Variants in ASTN1 observed in about 807,000 individuals in gnomAD.
ASTN1 encodes the protein astrotactin-1.
Under a neutral mutation model 140.7 loss-of-function variants are expected in ASTN1, and 41 were observed. The ratio of observed to expected loss-of-function variants is 0.29; its 90% confidence interval spans 0.23 to 0.38. The LOEUF (loss-of-function observed/expected upper bound fraction) is 0.38, where lower values mean the gene tolerates loss of function less well. Among genes scored for constraint, ASTN1 ranks in the 10% least tolerant of loss-of-function variants. ASTN1 has a pLI of 1.00. For missense variants in ASTN1, 1,479 were observed against 1,678.8 expected (o/e 0.88, Z 2.08); for synonymous variants, 640 against 652.2 (o/e 0.98, Z 0.29).
rs192890350 is a variant in ASTN1 at position 176,945,899 on chromosome 1, A to T, written c.2249+27T>A. On this transcript the variant is annotated intron_variant, in intron 13 of 22. Coordinates refer to ENST00000361833, the MANE Select transcript of ASTN1 (RefSeq NM_004319.3). ...AGAAAGTCCACCAACAGTCTTGAACAATCAGTTCTATGTATATGAGGTTTA... is the reference window on the plus strand; with the variant it reads ...AGAAAGTCCACCAACAGTCTTGAACTATCAGTTCTATGTATATGAGGTTTA... 7,185 of 1,563,712 alleles carry T rather than the reference A, an allele frequency of 4.6e-3. 21 individuals are homozygous for T. The highest frequency in any genetic ancestry group is 5.6e-3 in the Non-Finnish European group (6,473 of 1,149,620).
At chr1:177,066,584 G>A (rs1678366682) in intron 1 of ASTN1, among the ~76,000 whole-genome samples, 1 of 152,134 alleles carries the variant, frequency 6.6e-6, no homozygotes, top group African/African-American at 2.4e-5. Flanking sequence ...CAAGTGCCCT[G>A]TTCCCTCTTT....
intron 1 of ASTN1, among the ~76,000 whole-genome samples, chr1:177,144,443 G>A (rs978638530): frequency 1.3e-5 from 2 of 150,578 alleles, no homozygotes. Context: ...TAGTAGAGAC[G>A]GGGTTTCACC....
chr1:177,113,030 A>G (rs1181937355), intron 1 of ASTN1, among the ~76,000 whole-genome samples: 5 of 152,226 alleles, frequency 3.3e-5, no homozygotes, highest in Non-Finnish European at 7.3e-5. Context: ...GAAAAGAAAC[A>G]TAAGCATGCA....
chr1:177,092,742 C>T (rs889894468), intron 1 of ASTN1, among the ~76,000 whole-genome samples: 1 of 152,126 alleles, frequency 6.6e-6, no homozygotes, highest in Admixed American at 6.6e-5. Context: ...GTTGTCCCAG[C>T]ACTTTTTTTG....
At chr1:177,024,178 G>C (rs1433086067) in intron 6 of ASTN1, among the ~76,000 whole-genome samples, 1 of 152,150 alleles carries the variant, frequency 6.6e-6, no homozygotes, top group Non-Finnish European at 1.5e-5. Flanking sequence ...ACTGCAATTA[G>C]GAATTTCTCA....
At chr1:177,145,081 C>CT (rs1682662011) in intron 1 of ASTN1, among the ~76,000 whole-genome samples, 1 of 152,134 alleles carries the variant, frequency 6.6e-6, no homozygotes, top group African/African-American at 2.4e-5. Context: ...AGCAAAATCT[C>CT]TAAGATTTTG....
chr1:176,968,864 A>G (rs1571582939), intron 8 of ASTN1, among the ~76,000 whole-genome samples: 1 of 152,114 alleles, frequency 6.6e-6, no homozygotes, highest in South Asian at 2.1e-4. Context: ...AGGGCTTTTT[A>G]GGAAATAAGC....
At chr1:176,967,481 A>G (rs1672936747) in intron 8 of ASTN1, among the ~76,000 whole-genome samples, 1 of 152,212 alleles carries the variant, frequency 6.6e-6, no homozygotes, top group Admixed American at 6.5e-5. Flanking sequence ...GGGTAGGATC[A>G]TATTTTATTT....
chr1:177,028,251 G>T (rs960677256), intron 5 of ASTN1, among the ~76,000 whole-genome samples: 1 of 152,114 alleles, frequency 6.6e-6, no homozygotes, highest in African/African-American at 2.4e-5. Flanking sequence ...CTTTGATTAG[G>T]CCTGGATTAG....
rs189921857 is a variant in ASTN1, at chr1:176,870,127, T to C, written c.3464-1100A>G. Among the ~76,000 whole-genome samples the C allele has an allele frequency of 1.6e-3, 237 of 152,378 alleles. 3 individuals carry two copies. The highest frequency in any genetic ancestry group is 3.9e-3 in the Admixed American group (59 of 15,310). On this transcript the variant is annotated intron_variant, in intron 21 of 22. Transcript: ENST00000361833. ...TTCTTACAGAGCTCAAAGTAGTTCA[T>C]CATTAAATATTTTCTCTTTTAATTT...
chr1:177,018,454 T>A (rs1675665523), intron 7 of ASTN1, among the ~76,000 whole-genome samples: 1 of 152,216 alleles, frequency 6.6e-6, no homozygotes, highest in Admixed American at 6.5e-5. Context: ...GTCTGGGAAG[T>A]GGGTCGAATG....
rs983200212 is a variant in ASTN1, at chr1:177,130,434, G to C, written c.283+33960C>G. 3.9e-5 allele frequency among the ~76,000 whole-genome samples: 6 copies of C among 152,134 alleles called. No individual in the cohort carries two copies. The East Asian group carries it at 1.2e-3, about 29-fold the overall frequency. ...GGATGATGACTCTATGGTATGAGAG[G>C]TGGCATGGCACCTACCTAATGTTGA... On this transcript the variant is annotated intron_variant, in intron 1 of 22. Coordinates refer to ENST00000361833, the MANE Select transcript of ASTN1 (RefSeq NM_004319.3).
Position 176,937,724 on chromosome 1 carries a change from A to C in ASTN1, c.2378-1354T>G, listed in dbSNP as rs1312217084. On this transcript the variant is annotated intron_variant, in intron 14 of 22. Coordinates refer to ENST00000361833, the MANE Select transcript of ASTN1 (RefSeq NM_004319.3). The stretch of plus-strand genomic sequence containing the variant: ...TGTGTGTACATATTTATATATATAC[A>C]AATATAAGGGCAATATATAGTAAAT... Among the ~76,000 whole-genome samples, 4 of 152,160 alleles carry C rather than the reference A, an allele frequency of 2.6e-5. No homozygotes were observed. In the East Asian group the frequency reaches 7.7e-4, roughly 29 times the overall value.
chr1:176,981,262 GTCAAATAAGA>G (rs1673608590), intron 8 of ASTN1, among the ~76,000 whole-genome samples: 1 of 119,904 alleles, frequency 8.3e-6, no homozygotes, highest in Non-Finnish European at 1.8e-5. Flanking sequence ...AGGAAATGAA[GTCAAATAAGA>G]TATGGTAACT....
chr1:176,920,255 T>C (rs1307583029), intron 16 of ASTN1, among the ~76,000 whole-genome samples: 2 of 152,174 alleles, frequency 1.3e-5, no homozygotes, highest in Non-Finnish European at 2.9e-5. Flanking sequence ...TAAGGGTGAC[T>C]GCTTTCTCAG....
chr1:177,025,547 AGAT>A (rs948011654), intron 5 of ASTN1, among the ~76,000 whole-genome samples: 20 of 151,982 alleles, frequency 1.3e-4, no homozygotes, highest in Admixed American at 1.2e-3. Flanking sequence ...GAAGCAGAAC[AGAT>A]GTGGGAAAGT....
intron 8 of ASTN1, among the ~76,000 whole-genome samples, chr1:176,978,983 C>A (rs1042494697): frequency 2.6e-5 from 4 of 152,136 alleles, no homozygotes; most frequent in Non-Finnish European, 4.4e-5. Context: ...AAGCTCTGTA[C>A]TCTGGGGATA....
At chr1:176,952,583 A>G (rs573620723) in intron 11 of ASTN1, among the ~76,000 whole-genome samples, 1 of 152,208 alleles carries the variant, frequency 6.6e-6, no homozygotes, top group South Asian at 2.1e-4. Flanking sequence ...TAAGGTATAA[A>G]TTTGTTTTGT....
At chr1:177,022,958 A>G (rs12565464) in intron 7 of ASTN1, among the ~76,000 whole-genome samples, 20,574 of 152,230 alleles carry the variant, frequency 0.14, 1,784 homozygotes, top group East Asian at 0.19. Flanking sequence ...CATAGTAAAG[A>G]GACTGGAAGG....
Sources: allele counts gnomAD v4.1 joint callset (sites outside exome capture counted in the v4.1 genomes callset), GRCh38; gene constraint gnomAD v4.1.1; transcripts MANE v1.5; gene names NCBI Gene and HGNC (gene_info 2026-07-23, HGNC 2026-07-21).